The following CWH43 variants were observed in gnomAD, a reference collection of about 807,000 sequenced individuals.
CWH43 encodes the protein cell wall biogenesis 43 C-terminal homolog, also known as PGAP2-interacting protein.
CWH43 carries 91 observed loss-of-function variants against 85.7 expected under a neutral mutation model. The ratio of observed to expected loss-of-function variants is 1.06; its 90% CI spans 0.90 to 1.26. The LOEUF (loss-of-function observed/expected upper bound fraction) is 1.26. Among genes scored for constraint, CWH43 ranks in the 50% most tolerant of loss-of-function variants. The pLI is 0.00. For missense variants in CWH43, 869 were observed against 839.2 expected, an observed-to-expected ratio of 1.04 and a Z score of -0.44; for synonymous variants, 323 against 293.6, an observed-to-expected ratio of 1.10 and a Z score of -1.02.
At chr4:48,991,680 C>T in intron 3 of CWH43, 106 bp downstream of exon 3, 1 of 1,326,082 alleles carries the variant, frequency 7.5e-7, no homozygotes. Flanking sequence ...TTCCATATGG[C>T]TTTGTCAAAG....
At chr4:49,038,830 G>C (rs1380867930) in intron 13 of CWH43, among the ~76,000 whole-genome samples, 2 of 151,732 alleles carry the variant, frequency 1.3e-5, no homozygotes, top group Non-Finnish European at 2.9e-5. Flanking sequence ...AGGCTGAGGC[G>C]GGCGGATCAC....
chr4:49,050,166 T>C (rs536605304), intron 14 of CWH43, among the ~76,000 whole-genome samples: 3 of 152,362 alleles, frequency 2.0e-5, no homozygotes, highest in South Asian at 2.1e-4. Context: ...TTCCACGAGC[T>C]TCTCAAATAA....
chr4:49,007,414 T>C, intron 8 of CWH43, 88 bp downstream of exon 8: 1 of 1,318,312 alleles, frequency 7.6e-7, no homozygotes, highest in Non-Finnish European at 9.9e-7. Context: ...CCCTCATGTA[T>C]CCTTCATCCT....
chr4:49,036,270 G>T (rs1165668055), intron 12 of CWH43, among the ~76,000 whole-genome samples: 1 of 152,188 alleles, frequency 6.6e-6, no homozygotes, highest in Non-Finnish European at 1.5e-5. Context: ...GATGAAATCT[G>T]CAGGGGTCAG....
intron 1 of CWH43, among the ~76,000 whole-genome samples, chr4:48,987,246 T>C (rs1463420291): frequency 4.6e-5 from 7 of 152,146 alleles, no homozygotes; most frequent in Non-Finnish European, 1.0e-4. Flanking sequence ...TGGCTCAGCC[T>C]GTATCTATAA....
chr4:48,994,984 C>A (rs1342616167), intron 5 of CWH43, among the ~76,000 whole-genome samples, 164 bp downstream of exon 5: 1 of 152,200 alleles, frequency 6.6e-6, no homozygotes, highest in Non-Finnish European at 1.5e-5. Context: ...GAGAGAAGGG[C>A]ACTAGAAGGG....
chr4:48,991,998 A>G lies in CWH43; in HGVS notation c.419A>G (p.Tyr140Cys), dbSNP rs749744886. ...GTTCTTGTTGTTCTACGCATATGGTATACTTCACTAAACCCAATCTGGAGT... is the reference window on the plus strand; with the variant it reads ...GTTCTTGTTGTTCTACGCATATGGTGTACTTCACTAAACCCAATCTGGAGT... ...QIVLVVLRIW[Y>C]TSLNPIWSYQ... Residue 140 changes from tyrosine to cysteine, a missense_variant, in exon 4 of 16, where the codon TAT becomes TGT. Tyr to Cys is a radical substitution (Grantham distance 194, BLOSUM62 -2). Transcript: ENST00000226432. The G allele has an allele frequency of 2.4e-5, 38 of 1,613,828 alleles. No individual in the cohort carries two copies. Among genetic ancestry groups the G allele is most frequent in the South Asian group, 2.2e-4 (20 of 91,070 alleles).
At chr4:49,032,903 G>T (rs1784145067) in intron 12 of CWH43, among the ~76,000 whole-genome samples, 188 bp downstream of exon 12, 1 of 152,214 alleles carries the variant, frequency 6.6e-6, no homozygotes, top group South Asian at 2.1e-4. Flanking sequence ...TAGTGCTGGT[G>T]TAGGGACAGG....
chr4:48,994,543 C>A, intron 4 of CWH43, 76 bp from the exon 5 acceptor site: 1 of 1,250,282 alleles, frequency 8.0e-7, no homozygotes, highest in Non-Finnish European at 1.1e-6. Context: ...TTCTTCCTTG[C>A]TAAAAGTCTG....
At chr4:49,006,777 A>C (rs1198713423) in intron 7 of CWH43, among the ~76,000 whole-genome samples, 1 of 152,132 alleles carries the variant, frequency 6.6e-6, no homozygotes, top group Non-Finnish European at 1.5e-5. Flanking sequence ...CAGAATTATC[A>C]CAAGCACTGC....
chr4:49,016,813 G>T lies in CWH43; in HGVS notation c.1187-436G>T. On this transcript the variant is annotated intron_variant, in intron 8 of 15. Transcript: ENST00000226432. ...ACTCCAAGTCCCTCTGCCAGAGCAC[G>T]GGCCACTTTCTGCTCAATCAGTTCA... 4 of 777,174 alleles carry T rather than the reference G, an allele frequency of 5.1e-6. No individual in the cohort carries two copies. In the East Asian group the frequency reaches 9.8e-5, roughly 19 times the overall value. 48.1% of individuals were successfully genotyped at this position (777,174 alleles called of 1,614,324 possible). A position where few individuals can be genotyped will look rare whatever the true frequency, so the allele number is the denominator to read the frequency against.
chr4:49,048,115 G>A (rs1285456385), intron 14 of CWH43, among the ~76,000 whole-genome samples: 1 of 152,112 alleles, frequency 6.6e-6, no homozygotes, highest in Admixed American at 6.5e-5. Flanking sequence ...GGAAATTCTA[G>A]AAAACGACTT....
At chr4:49,049,428 C>G (rs1460805458) in intron 14 of CWH43, among the ~76,000 whole-genome samples, 1 of 152,078 alleles carries the variant, frequency 6.6e-6, no homozygotes, top group Non-Finnish European at 1.5e-5. Context: ...ACTTGTCTCC[C>G]TGCTTTGACC....
chr4:49,015,294 C>A (rs1306930326), intron 8 of CWH43, among the ~76,000 whole-genome samples: 3 of 151,316 alleles, frequency 2.0e-5, no homozygotes, highest in African/African-American at 7.3e-5. Context: ...CTCCTCCCCA[C>A]TCCTCTTTCT....
chr4:49,004,537 G>T (rs982865357), intron 7 of CWH43, among the ~76,000 whole-genome samples: 1 of 152,098 alleles, frequency 6.6e-6, no homozygotes, highest in Admixed American at 6.5e-5. Context: ...CTAGGTGTGG[G>T]CCACCACACT....
chr4:49,059,496 A>G (rs1785071568), intron 15 of CWH43, among the ~76,000 whole-genome samples: 1 of 152,110 alleles, frequency 6.6e-6, no homozygotes, highest in African/African-American at 2.4e-5. Context: ...TGGTAGTATC[A>G]TGTTTCCTTG....
chr4:49,058,350 A>C (rs989095431), intron 15 of CWH43, among the ~76,000 whole-genome samples: 27 of 152,146 alleles, frequency 1.8e-4, no homozygotes, highest in Non-Finnish European at 3.8e-4. Context: ...GCATATAAAA[A>C]CTGAGATTTA....
chr4:49,004,590 A>G (rs1238327979), intron 7 of CWH43, among the ~76,000 whole-genome samples: 2 of 152,076 alleles, frequency 1.3e-5, no homozygotes, highest in African/African-American at 4.8e-5. Context: ...GGGTCTTGCT[A>G]TGTTGCACAG....
At position 48,988,557 on chromosome 4, in the gene CWH43, C is replaced by T. The variant is rs1782561989; in HGVS notation, c.124C>T (p.Leu42Phe). The change falls in exon 2 of 16, where the codon CTT (leucine) becomes TTT (phenylalanine). Residue 42 changes from leucine (L) to phenylalanine (F), a missense_variant. Leu to Phe is a conservative substitution (Grantham distance 22). Around this residue, in one of 3 missense-constraint regions of CWH43, gnomAD observed 140 missense variants for 122.6 expected, o/e 1.14. Coordinates refer to ENST00000226432, the MANE Select transcript of CWH43 (RefSeq NM_025087.3). The stretch of plus-strand genomic sequence containing the variant: ...TTTGCAAACACTAGAACTCACTGGG[C>T]TTGAAGGTTTTAGTATAGCATTTCT... Reference protein sequence around the residue: ...FPLQTLELTGLEGFSIAFLSP... With the variant: ...FPLQTLELTGFEGFSIAFLSP... 2 of 1,613,244 alleles carry T rather than the reference C, an allele frequency of 1.2e-6. No individual in the cohort carries two copies.
Sources: allele counts gnomAD v4.1 joint callset (sites outside exome capture counted in the v4.1 genomes callset), GRCh38; gene constraint gnomAD v4.1.1; regional missense constraint gnomAD v4.1.1; transcripts MANE v1.5; gene names NCBI Gene and HGNC (gene_info 2026-07-23, HGNC 2026-07-21).